CREBZF: variants seen among roughly 807,000 people sequenced by gnomAD.
CREBZF encodes CREB/ATF bZIP transcription factor.
In CREBZF, 8 loss-of-function variants were observed where a neutral mutation model predicts 21.1. The ratio of observed to expected loss-of-function variants is 0.38; its 90% CI spans 0.22 to 0.68. The LOEUF (loss-of-function observed/expected upper bound fraction) is 0.68. CREBZF is among the 30% of genes least tolerant of loss of function. The pLI, the probability that CREBZF is intolerant of heterozygous loss-of-function variation, is 0.51. For missense variants in CREBZF, 518 were observed against 484.3 expected, an observed-to-expected ratio of 1.07 and a Z score of -0.65; for synonymous variants, 270 against 223.3, an observed-to-expected ratio of 1.21 and a Z score of -1.86.
At chr11:85,670,678 A>AT (rs1157191589) in intron 1 of CREBZF, among the ~76,000 whole-genome samples, 1 of 152,062 alleles carries the variant, frequency 6.6e-6, no homozygotes, top group Non-Finnish European at 1.5e-5. Context: ...GCATACATAA[A>AT]TTTTTCAGCT....
rs1291338396 is a variant in CREBZF at position 85,674,631 on chromosome 11, G to A, written n.147+8086C>T. On this transcript the variant is annotated intron_variant and non_coding_transcript_variant, in intron 1 of 3. Transcript: ENST00000531515. ...CTGTCCTTTAAAGCTTTGATGCCAGGCATTGACTTCTCTAACTACTAAAGC... is the reference window on the plus strand; with the variant it reads ...CTGTCCTTTAAAGCTTTGATGCCAGACATTGACTTCTCTAACTACTAAAGC... Among the ~76,000 whole-genome samples, 3 of 152,298 alleles carry A rather than the reference G, an allele frequency of 2.0e-5. No individual in the cohort carries two copies. The East Asian group carries it at 5.8e-4, about 29-fold the overall frequency.
At position 85,663,789 on chromosome 11, in the gene CREBZF, A is replaced by G. The variant is rs2082759055; in HGVS notation, c.*22T>C. 6.3e-7 allele frequency: 1 copy of G among 1,583,736 alleles called. No individual in the cohort carries two copies. The highest frequency in any genetic ancestry group is 8.6e-7 in the Non-Finnish European group (1 of 1,167,150). ...AGGGAGTTGAAAGGGGTAAACGCGG[A>G]TAAAGAGCAGATTACTTGACCCTAC... On this transcript the variant is annotated 3_prime_UTR_variant, in exon 1 of 1. Transcript: ENST00000527447.
intron 1 of CREBZF, among the ~76,000 whole-genome samples, chr11:85,676,704 A>C (rs564874354): frequency 6.6e-6 from 1 of 151,118 alleles, no homozygotes; most frequent in East Asian, 2.0e-4. Flanking sequence ...TAGCTCAAAC[A>C]TGGCTCACTG....
chr11:85,662,151 C>T lies in CREBZF; in HGVS notation c.*1660G>A, dbSNP rs1013406317. 1.9e-5 allele frequency: 9 copies of T among 468,558 alleles called. No individual in the cohort carries two copies. The highest frequency in any genetic ancestry group is 3.6e-5 in the Non-Finnish European group (9 of 247,042). 29.0% of individuals were successfully genotyped at this position (468,558 alleles called of 1,614,324 possible). On this transcript the variant is annotated 3_prime_UTR_variant, in exon 1 of 1. Coordinates refer to ENST00000527447, the MANE Select transcript of CREBZF (RefSeq NM_001039618.4). Reference sequence around the variant, plus strand: ...TGATTTTACAAAATATGCTGTGATGCACTGGAAACCAAAGACCAATTCAGG... The same window carrying T: ...TGATTTTACAAAATATGCTGTGATGTACTGGAAACCAAAGACCAATTCAGG...
At chr11:85,672,068 T>C (rs2082915183) in intron 1 of CREBZF, among the ~76,000 whole-genome samples, 1 of 152,286 alleles carries the variant, frequency 6.6e-6, no homozygotes, top group Admixed American at 6.5e-5. Context: ...AAAATCTCGA[T>C]GGAGGTTGCC....
At position 85,664,731 on chromosome 11, in the gene CREBZF, C is replaced by G; in HGVS notation, c.145G>C (p.Gly49Arg). The change falls in exon 1 of 1, where the codon GGA becomes CGA. Residue 49 changes from glycine (G) to arginine (R), a missense_variant. Transcript: ENST00000527447. This position sits in a 1 kb window ranked among gnomAD's most constrained non-coding sequence, Gnocchi z 5.5. ...AAGEEETAAAGSPGRKQQFGD... is the reference protein window; with the variant it reads ...AAGEEETAAARSPGRKQQFGD... ...AACTGCTGCTTGCGGCCGGGAGATC[C>G]GGCCGCCGCCGTCTCCTCCTCCCCC... is the stretch of plus-strand genomic sequence containing the variant. 5.6e-6 allele frequency: 9 copies of G among 1,603,978 alleles called. No homozygotes were observed. Among genetic ancestry groups the G allele is most frequent in the East Asian group, 2.2e-5 (1 of 44,806 alleles).
chr11:85,665,030 G>C lies in CREBZF; in HGVS notation c.-155C>G. On this transcript the variant is annotated 5_prime_UTR_variant, in exon 1 of 1. Coordinates refer to ENST00000527447, the MANE Select transcript of CREBZF (RefSeq NM_001039618.4). ...CGCCTCCCGCCTCACTTGGCTAGTC[G>C]ACCCCCCGCGCCAAGGCGCGGGGAG... 2.0e-6 allele frequency: 1 copy of C among 488,918 alleles called. No individual in the cohort carries two copies. Among genetic ancestry groups the C allele is most frequent in the Non-Finnish European group, 3.4e-6 (1 of 293,308 alleles). The allele number at this position is 488,918 out of a possible 1,614,324, so 30.3% of individuals were successfully genotyped here.
chr11:85,665,291 T>C (rs1351220646), upstream of CREBZF, among the ~76,000 whole-genome samples: 1 of 152,166 alleles, frequency 6.6e-6, no homozygotes, highest in East Asian at 1.9e-4. Flanking sequence ...CCACCCTAAT[T>C]CAATACCACC....
chr11:85,678,313 T>C (rs1301620930), intron 1 of CREBZF, among the ~76,000 whole-genome samples: 1 of 152,198 alleles, frequency 6.6e-6, no homozygotes, highest in African/African-American at 2.4e-5. Context: ...GCTCACTGCA[T>C]TGGATTTTTA....
chr11:85,679,461 C>T lies in CREBZF; in HGVS notation n.147+3256G>A, dbSNP rs184201631. ...GCAATATATTCAGTGAATGAGTTAG[C>T]AATTAGGATCAGAAAGATCAGAAAT... On this transcript the variant is annotated intron_variant and non_coding_transcript_variant, in intron 1 of 3. Coordinates refer to the CREBZF transcript ENST00000531515. Among the ~76,000 whole-genome samples the T allele has an allele frequency of 1.0e-3, 153 of 152,246 alleles. 1 individual carries two copies. The highest frequency in any genetic ancestry group is 3.5e-3 in the African/African-American group (146 of 41,538).
In CREBZF at chr11:85,664,921, G is replaced by A; in HGVS notation, c.-46C>T. 1 of 1,337,572 alleles carries A rather than the reference G, an allele frequency of 7.5e-7. No homozygotes were observed. Among genetic ancestry groups the A allele is most frequent in the South Asian group, 1.7e-5 (1 of 59,408 alleles). The allele number at this position is 1,337,572 out of a possible 1,614,324, so 82.9% of individuals were successfully genotyped here. ...GGTAGGCCCCGGCCGCTAAGAGTGGGCCTCACGGGCCCCAAGGATCCCAGG... is the reference window on the plus strand; with the variant it reads ...GGTAGGCCCCGGCCGCTAAGAGTGGACCTCACGGGCCCCAAGGATCCCAGG... On this transcript the variant is annotated 5_prime_UTR_variant, in exon 1 of 1. Coordinates refer to ENST00000527447, the MANE Select transcript of CREBZF (RefSeq NM_001039618.4). This position sits in a 1 kb window ranked among gnomAD's most constrained non-coding sequence, Gnocchi z 5.5.
chr11:85,664,293 C>A lies in CREBZF; in HGVS notation c.583G>T (p.Gly195Cys). 1 of 1,612,352 alleles carries A rather than the reference C, an allele frequency of 6.2e-7. No individual in the cohort carries two copies. The highest frequency in any genetic ancestry group is 2.2e-5 in the East Asian group (1 of 44,808). Residue 195 changes from glycine to cysteine, a missense_variant, in exon 1 of 1, where the codon GGT (glycine) becomes TGT (cysteine). Physicochemically the swap from Gly to Cys is radical, Grantham distance 159. This residue lies in a region of CREBZF where 396 missense variants were observed against 324.4 expected (regional missense o/e 1.22). Coordinates refer to ENST00000527447, the MANE Select transcript of CREBZF (RefSeq NM_001039618.4). This position sits in a 1 kb window ranked among gnomAD's most constrained non-coding sequence, Gnocchi z 5.5. ...RRRKSPGGGG[G>C]GGSGNDNNQA... ...TTGTTGTCGTTACCGCTGCCGCCAC[C>A]GCCGCCTCCTCCTGGGGACTTTCTC...
rs2082637281 is a variant in CREBZF, at chr11:85,660,290, T to C, written c.*3521A>G. On this transcript the variant is annotated 3_prime_UTR_variant, in exon 1 of 1. Coordinates refer to ENST00000527447, the MANE Select transcript of CREBZF (RefSeq NM_001039618.4). ...TGTAATTCTCCAAAGGTTACAATTTTGTAAAGATATGCAATAACTGAGTAT... is the reference window on the plus strand; with the variant it reads ...TGTAATTCTCCAAAGGTTACAATTTCGTAAAGATATGCAATAACTGAGTAT... 5.6e-6 allele frequency: 1 copy of C among 178,858 alleles called. No individual in the cohort carries two copies. Among genetic ancestry groups the C allele is most frequent in the Admixed American group, 6.2e-5 (1 of 16,242 alleles). 11.1% of individuals were successfully genotyped at this position (178,858 alleles called of 1,614,324 possible). A position where few individuals can be genotyped will look rare whatever the true frequency, so the allele number is the denominator to read the frequency against.
Position 85,664,521 on chromosome 11 carries a change from G to A in CREBZF, c.355C>T (p.His119Tyr), listed in dbSNP as rs749718220. 2 of 1,613,788 alleles carry A rather than the reference G, an allele frequency of 1.2e-6. No homozygotes were observed. The highest frequency in any genetic ancestry group is 2.7e-5 in the African/African-American group (2 of 75,026). ...GGCGAGCTAAGCCCGGGGTCCAGGT[G>A]CCAGTCCGGTTGCCTGGGGTCCAGG... ...DLLDPRQPDW[H>Y]LDPGLSSPGP... The change falls in exon 1 of 1, where the codon CAC (histidine) becomes TAC (tyrosine). Residue 119 changes from histidine to tyrosine, a missense_variant. This residue lies in a region of CREBZF where 396 missense variants were observed against 324.4 expected (regional missense o/e 1.22). Transcript: ENST00000527447. The surrounding 1 kb of genome is among the most constrained non-coding windows in gnomAD (Gnocchi z 5.5).
Position 85,663,698 on chromosome 11 carries a change from T to C in CREBZF, c.*113A>G. 1 of 1,606,622 alleles carries C rather than the reference T, an allele frequency of 6.2e-7. No homozygotes were observed. Among genetic ancestry groups the C allele is most frequent in the South Asian group, 1.1e-5 (1 of 90,106 alleles). On this transcript the variant is annotated 3_prime_UTR_variant, in exon 1 of 1. Coordinates refer to ENST00000527447, the MANE Select transcript of CREBZF (RefSeq NM_001039618.4). ...TAAACACTTTAAGATTCAATATTAC[T>C]TTTTTTCTCTCCTCTGAAATGTGTC...
At chr11:85,676,970 C>T (rs1260141746) in intron 1 of CREBZF, among the ~76,000 whole-genome samples, 30 of 118,626 alleles carry the variant, frequency 2.5e-4, no homozygotes, top group Middle Eastern at 4.6e-3. Flanking sequence ...CTTTTTCTGT[C>T]TTTTTTTTTT....
rs1236455148 is a variant in CREBZF at position 85,664,670 on chromosome 11, C to G, written c.206G>C (p.Ser69Thr). Residue 69 changes from serine (S) to threonine (T), a missense_variant, in exon 1 of 1, where the codon AGC (serine) becomes ACC (threonine). Around this residue, in one of 3 missense-constraint regions of CREBZF, gnomAD observed 396 missense variants for 324.4 expected, o/e 1.22. Coordinates refer to ENST00000527447, the MANE Select transcript of CREBZF (RefSeq NM_001039618.4). This position sits in a 1 kb window ranked among gnomAD's most constrained non-coding sequence, Gnocchi z 5.5. ...DEGELEAGRG[S>T]RGGVAVRAPS... is the part of the protein sequence containing the mutation. ...CGCGCGCACGGCCACGCCGCCGCGG[C>G]TCCCCCTCCCGGCTTCCAACTCTCC... 1.8e-5 allele frequency: 29 copies of G among 1,602,686 alleles called. No homozygotes were observed. The highest frequency in any genetic ancestry group is 2.3e-5 in the Non-Finnish European group (27 of 1,174,438).
upstream of CREBZF, among the ~76,000 whole-genome samples, chr11:85,669,826 GAGACAGAGTCTCAC>G (rs1213230628): frequency 6.6e-6 from 1 of 151,950 alleles, no homozygotes; most frequent in East Asian, 1.9e-4. Context: ...TTGTTTGTTT[GAGACAGAGTCTCAC>G]TCTGTTGCCC....
At chr11:85,667,585 A>G (rs1044083726), upstream of CREBZF, among the ~76,000 whole-genome samples, 25 of 152,208 alleles carry the variant, frequency 1.6e-4, no homozygotes, top group African/African-American at 6.0e-4. Flanking sequence ...ACATTTTCCA[A>G]CTTTTTTTAA....
Sources: allele counts gnomAD v4.1 joint callset (sites outside exome capture counted in the v4.1 genomes callset), GRCh38; gene constraint gnomAD v4.1.1; regional missense constraint gnomAD v4.1.1; non-coding constraint Gnocchi (gnomAD v3.1); transcripts MANE v1.5; gene names NCBI Gene and HGNC (gene_info 2026-07-23, HGNC 2026-07-21).